Variants in CNTN5 observed in about 807,000 individuals in gnomAD.
The protein encoded by CNTN5 is contactin-5.
CNTN5 carries 77 observed loss-of-function variants against 129.1 expected under a neutral mutation model. The observed-to-expected ratio is 0.60, with a 90% CI of 0.50 to 0.72. CNTN5 has a LOEUF of 0.72. Ranked by LOEUF, CNTN5 falls within the 30% of genes least tolerant of loss-of-function variation. The pLI is 0.00. For missense variants in CNTN5, 1,478 were observed against 1,328.8 expected (o/e 1.11, Z -1.75); for synonymous variants, 509 against 465.6 (o/e 1.09, Z -1.20).
chr11:99,125,457 A>C (rs1858579212), intron 1 of CNTN5, among the ~76,000 whole-genome samples: 1 of 152,154 alleles, frequency 6.6e-6, no homozygotes. Context: ...CTTACTTCTA[A>C]ATAATAAGAG....
intron 3 of CNTN5, among the ~76,000 whole-genome samples, chr11:99,633,043 A>C (rs554697459): frequency 1.3e-5 from 2 of 152,260 alleles, no homozygotes; most frequent in African/African-American, 4.8e-5. Context: ...TTAGGCATGA[A>C]GGACTGTAAA....
intron 9 of CNTN5, among the ~76,000 whole-genome samples, chr11:100,019,328 G>T (rs1271321261): frequency 6.6e-6 from 1 of 151,844 alleles, no homozygotes; most frequent in Non-Finnish European, 1.5e-5. Context: ...TATGATACAG[G>T]TATGGATCAA....
chr11:99,998,192 T>C (rs953484899), intron 8 of CNTN5, among the ~76,000 whole-genome samples: 5 of 151,752 alleles, frequency 3.3e-5, no homozygotes, highest in African/African-American at 1.2e-4. Context: ...GGGTCTTCAA[T>C]TAGGAAAAGA....
At chr11:99,370,951 G>C (rs950375401) in intron 2 of CNTN5, among the ~76,000 whole-genome samples, 2 of 152,152 alleles carry the variant, frequency 1.3e-5, no homozygotes, top group African/African-American at 4.8e-5. Flanking sequence ...CAGGGTATTC[G>C]TGGCACTTGA....
At chr11:99,140,210 T>C (rs1044478682) in intron 1 of CNTN5, among the ~76,000 whole-genome samples, 3 of 152,146 alleles carry the variant, frequency 2.0e-5, no homozygotes, top group African/African-American at 7.2e-5. Context: ...AATATCTTTT[T>C]AAAAAATTCC....
intron 3 of CNTN5, among the ~76,000 whole-genome samples, chr11:99,792,277 G>A (rs1282982377): frequency 6.6e-6 from 1 of 152,034 alleles, no homozygotes; most frequent in Non-Finnish European, 1.5e-5. Context: ...TTTCTTCAAT[G>A]CCTAATTTCT....
chr11:99,860,994 C>T (rs1485275373), intron 6 of CNTN5, among the ~76,000 whole-genome samples: 4 of 117,888 alleles, frequency 3.4e-5, no homozygotes, highest in South Asian at 2.8e-4. Flanking sequence ...CTCGCTCTGT[C>T]GCCCAGGCTG....
Position 99,616,308 on chromosome 11 carries a change from A to G in CNTN5, c.55+60039A>G, listed in dbSNP as rs747736606. 2.0e-5 allele frequency among the ~76,000 whole-genome samples: 3 copies of G among 152,188 alleles called. No individual in the cohort carries two copies. The East Asian group carries it at 5.8e-4, about 29-fold the overall frequency. On this transcript the variant is annotated intron_variant, in intron 3 of 24. Coordinates refer to ENST00000524871, the MANE Select transcript of CNTN5 (RefSeq NM_014361.4). Reference sequence around the variant, plus strand: ...TAAGAATAATAATAGTCTAAGCTCTAAAGTCAGACTACTTGATTCTGCACC... The same window carrying G: ...TAAGAATAATAATAGTCTAAGCTCTGAAGTCAGACTACTTGATTCTGCACC...
At chr11:99,358,174 C>T (rs1203219856) in intron 2 of CNTN5, among the ~76,000 whole-genome samples, 10 of 135,520 alleles carry the variant, frequency 7.4e-5, no homozygotes, top group African/African-American at 8.0e-5. Context: ...CTGCAAGCTC[C>T]GCCTCCCAGG....
chr11:99,160,380 C>T (rs1190309237), intron 1 of CNTN5, among the ~76,000 whole-genome samples: 2 of 152,166 alleles, frequency 1.3e-5, no homozygotes, highest in Non-Finnish European at 2.9e-5. Context: ...CTGCAAAGGA[C>T]ATAAGCTATA....
In CNTN5 at chr11:99,994,211, G is replaced by A. The variant is rs182686486; in HGVS notation, c.878-7823G>A. 2.8e-3 allele frequency among the ~76,000 whole-genome samples: 424 copies of A among 152,194 alleles called. 5 individuals are homozygous for A. Among genetic ancestry groups the A allele is most frequent in the Middle Eastern group, 6.8e-3 (2 of 292 alleles). ...CAATTTATAAATGTAATCTGGAAGA[G>A]AAGAGAGACTATATGGATCTGATCT... On this transcript the variant is annotated intron_variant, in intron 8 of 24. Transcript: ENST00000524871.
chr11:99,048,419 G>T (rs1245629576), intron 1 of CNTN5, among the ~76,000 whole-genome samples: 1 of 152,016 alleles, frequency 6.6e-6, no homozygotes, highest in African/African-American at 2.4e-5. Flanking sequence ...ATATCCAAAT[G>T]ATTCATTTTC....
At chr11:99,512,722 T>G (rs1946886744) in intron 2 of CNTN5, among the ~76,000 whole-genome samples, 1 of 152,082 alleles carries the variant, frequency 6.6e-6, no homozygotes, top group Admixed American at 6.6e-5. Context: ...GTAATTGTTT[T>G]GGGGTGCCAC....
intron 2 of CNTN5, among the ~76,000 whole-genome samples, chr11:99,360,365 C>T (rs1939022068): frequency 1.3e-5 from 2 of 152,174 alleles, no homozygotes; most frequent in African/African-American, 4.8e-5. Context: ...TAGGGGATTG[C>T]TCTAGTGGGT....
chr11:100,216,494 C>T (rs1949141187), intron 15 of CNTN5, among the ~76,000 whole-genome samples: 1 of 151,984 alleles, frequency 6.6e-6, no homozygotes, highest in Admixed American at 6.6e-5. Flanking sequence ...TCTTTTTCCA[C>T]TAAAGCTGTG....
chr11:99,259,674 G>A (rs1339174752), intron 1 of CNTN5, among the ~76,000 whole-genome samples: 1 of 151,782 alleles, frequency 6.6e-6, no homozygotes, highest in Non-Finnish European at 1.5e-5. Context: ...GTGTGTGTTA[G>A]TGTGTGTTTT....
intron 1 of CNTN5, among the ~76,000 whole-genome samples, chr11:99,138,456 A>G (rs908009582): frequency 2.0e-5 from 3 of 152,164 alleles, no homozygotes; most frequent in Non-Finnish European, 4.4e-5. Flanking sequence ...CATTTTTTAC[A>G]TAGACACAAA....
intron 2 of CNTN5, among the ~76,000 whole-genome samples, chr11:99,478,774 A>G (rs77271894): frequency 0.021 from 3,138 of 152,272 alleles, 115 homozygotes; most frequent in African/African-American, 0.071. Context: ...AGAATGCTAC[A>G]TGACTTCAGC....
At chr11:99,436,556 C>A (rs1032478615) in intron 2 of CNTN5, among the ~76,000 whole-genome samples, 1 of 152,134 alleles carries the variant, frequency 6.6e-6, no homozygotes, top group Non-Finnish European at 1.5e-5. Context: ...TGGTGTTCAT[C>A]TCAAGATCGT....
Sources: gnomAD v4.1 joint callset for allele counts (sites outside exome capture counted in the v4.1 genomes callset) on GRCh38, gnomAD v4.1.1 for gene constraint, MANE v1.5 for transcripts, NCBI Gene and HGNC (gene_info 2026-07-23, HGNC 2026-07-21) for gene names.